Variants in HYAL4 observed in about 807,000 individuals in gnomAD.
HYAL4 encodes the protein hyaluronidase-4.
HYAL4 carries 37 observed loss-of-function variants against 35.2 expected under a neutral mutation model. That is an observed-to-expected ratio of 1.05 (90% CI 0.81 to 1.38). The LOEUF (loss-of-function observed/expected upper bound fraction) is 1.38. HYAL4 is among the 40% of genes most tolerant of loss of function. The pLI is 0.00. For missense variants in HYAL4, 572 were observed against 572.4 expected, an observed-to-expected ratio of 1.00 and a Z score of 0.01; for synonymous variants, 198 against 203.2, an observed-to-expected ratio of 0.97 and a Z score of 0.22.
In HYAL4 at chr7:123,868,370, T is replaced by C; in HGVS notation, c.97T>C (p.Ser33Pro). 1.2e-6 allele frequency: 2 copies of C among 1,611,584 alleles called. No homozygotes were observed. Among genetic ancestry groups the C allele is most frequent in the Non-Finnish European group, 1.7e-6 (2 of 1,179,046 alleles). The change falls in exon 3 of 5, where the codon TCT (serine) becomes CCT (proline). Residue 33 changes from serine to proline, a missense_variant. Physicochemically the swap from Ser to Pro is moderately conservative, Grantham distance 74. Transcript: ENST00000223026. ...LLIFFILKSI[S>P]CLKPARLPIY... is the part of the protein sequence containing the mutation. Reference sequence around the variant, plus strand: ...TATATTTTTTATTCTAAAGTCTATCTCTTGTCTAAAACCTGCTCGACTTCC... The same window carrying C: ...TATATTTTTTATTCTAAAGTCTATCCCTTGTCTAAAACCTGCTCGACTTCC...
the HYAL4 span, among the ~76,000 whole-genome samples, chr7:123,811,837 TG>T: frequency 6.6e-6 from 1 of 151,842 alleles, no homozygotes. Context: ...ATACCTTTTT[TG>T]TTGTTGTTGT....
chr7:123,804,266 G>A, the HYAL4 span, among the ~76,000 whole-genome samples: 4 of 152,148 alleles, frequency 2.6e-5, no homozygotes. Flanking sequence ...CCACCATTGG[G>A]GATTACTGAT....
chr7:123,834,181 G>A (rs970353944), intron 1 of HYAL4, among the ~76,000 whole-genome samples: 13 of 152,032 alleles, frequency 8.6e-5, no homozygotes, highest in Non-Finnish European at 1.9e-4. Context: ...TGGCAGTGTG[G>A]TCATTTTCAC....
the HYAL4 span, among the ~76,000 whole-genome samples, chr7:123,790,340 T>A: frequency 6.6e-6 from 1 of 152,176 alleles, no homozygotes; most frequent in African/African-American, 2.4e-5. Context: ...AGTTTCTAAA[T>A]GACAAATCTG....
chr7:123,854,792 C>T (rs1462941377), intron 2 of HYAL4, among the ~76,000 whole-genome samples: 2 of 152,054 alleles, frequency 1.3e-5, no homozygotes, highest in African/African-American at 4.8e-5. Flanking sequence ...TTTTCTGTCT[C>T]GTTGATCTGT....
intron 2 of HYAL4, among the ~76,000 whole-genome samples, chr7:123,861,015 A>C (rs1020048286): frequency 2.0e-5 from 3 of 152,194 alleles, no homozygotes; most frequent in African/African-American, 7.2e-5. Flanking sequence ...ACCAGAGACA[A>C]GACAATGTGA....
At chr7:123,837,665 A>G (rs1228311000) in intron 1 of HYAL4, among the ~76,000 whole-genome samples, 3 of 136,942 alleles carry the variant, frequency 2.2e-5, no homozygotes, top group African/African-American at 7.9e-5. Context: ...TTCTAATGCT[A>G]TCCCTCCCCC....
At chr7:123,873,428 C>G (rs531684395) in intron 3 of HYAL4, among the ~76,000 whole-genome samples, 4 of 149,904 alleles carry the variant, frequency 2.7e-5, no homozygotes, top group Admixed American at 2.7e-4. Context: ...ACTTTAAAAA[C>G]TGATATTGTA....
chr7:123,845,161 T>G (rs1031594026), upstream of HYAL4: 2 of 151,988 alleles, frequency 1.3e-5, no homozygotes, highest in Admixed American at 6.6e-5. Flanking sequence ...TCTTCCAGTT[T>G]CAATAGTTCT....
the HYAL4 span, among the ~76,000 whole-genome samples, chr7:123,823,053 C>G: frequency 2.0e-5 from 3 of 150,852 alleles, no homozygotes; most frequent in African/African-American, 7.2e-5. Context: ...AAGCTTTCAA[C>G]TTTTCATCAT....
chr7:123,874,527 C>T (rs1054760814), intron 3 of HYAL4, among the ~76,000 whole-genome samples: 4 of 152,080 alleles, frequency 2.6e-5, no homozygotes, highest in East Asian at 3.9e-4. Flanking sequence ...TCTCAGCCTC[C>T]GAGTAGCTGG....
chr7:123,848,554 A>G (rs1382607195), intron 2 of HYAL4, among the ~76,000 whole-genome samples: 1 of 152,222 alleles, frequency 6.6e-6, no homozygotes, highest in Admixed American at 6.5e-5. Context: ...TAAATTAACT[A>G]CAAACAAGCC....
At chr7:123,827,150 AC>A (rs1351911437), upstream of HYAL4, among the ~76,000 whole-genome samples, 2 of 152,138 alleles carry the variant, frequency 1.3e-5, no homozygotes, top group East Asian at 3.9e-4. Flanking sequence ...GTGAAATAGT[AC>A]AGCTATAGAA....
intron 1 of HYAL4, among the ~76,000 whole-genome samples, chr7:123,833,066 G>T (rs761122774): frequency 6.6e-6 from 1 of 151,940 alleles, no homozygotes; most frequent in Non-Finnish European, 1.5e-5. Context: ...ACATGCATGT[G>T]CAATGACTTC....
chr7:123,802,030 C>G, the HYAL4 span, among the ~76,000 whole-genome samples: 4 of 152,084 alleles, frequency 2.6e-5, no homozygotes, highest in Admixed American at 1.3e-4. Flanking sequence ...TTATTCCTCT[C>G]CAGGGGAGGA....
At chr7:123,860,867 A>T (rs1202247057) in intron 2 of HYAL4, among the ~76,000 whole-genome samples, 1 of 152,204 alleles carries the variant, frequency 6.6e-6, no homozygotes, top group Non-Finnish European at 1.5e-5. Flanking sequence ...CACCTTGCTC[A>T]AATTTCTTAT....
chr7:123,817,281 T>C, the HYAL4 span, among the ~76,000 whole-genome samples: 6 of 152,192 alleles, frequency 3.9e-5, no homozygotes, highest in East Asian at 7.7e-4. Flanking sequence ...GTCACCCAAT[T>C]TGAAAGTCAC....
Position 123,877,227 on chromosome 7 carries a change from T to G in HYAL4, c.*72T>G. On this transcript the variant is annotated 3_prime_UTR_variant, in exon 5 of 5. Coordinates refer to ENST00000223026, the MANE Select transcript of HYAL4 (RefSeq NM_012269.3). ...TAAAGAAGGATGTAACTTATAACAT[T>G]TTTTTTCTCTTATGAATTCTATTGA... The G allele has an allele frequency of 7.1e-7, 1 of 1,411,618 alleles. No homozygotes were observed. Among genetic ancestry groups the G allele is most frequent in the Non-Finnish European group, 9.6e-7 (1 of 1,039,512 alleles). The allele number at this position is 1,411,618 out of a possible 1,614,324, so 87.4% of individuals were successfully genotyped here.
chr7:123,775,447 A>G, the HYAL4 span, among the ~76,000 whole-genome samples: 15 of 152,038 alleles, frequency 9.9e-5, no homozygotes, highest in Non-Finnish European at 1.5e-4. Flanking sequence ...AGAAAAAAAA[A>G]TGAAAGAAAA....
Sources: allele counts gnomAD v4.1 joint callset (sites outside exome capture counted in the v4.1 genomes callset), GRCh38; gene constraint gnomAD v4.1.1; transcripts MANE v1.5; gene names NCBI Gene and HGNC (gene_info 2026-07-23, HGNC 2026-07-21).